The following SNRNP40 variants were observed in gnomAD, a reference collection of about 807,000 sequenced individuals.
SNRNP40 encodes the protein small nuclear ribonucleoprotein U5 subunit 40.
A neutral mutation model predicts 45.8 loss-of-function variants in SNRNP40; 21 were observed. That is an observed-to-expected ratio of 0.46 (90% CI 0.32 to 0.66). The LOEUF (loss-of-function observed/expected upper bound fraction) is 0.66. SNRNP40 is among the 30% of genes least tolerant of loss of function. The probability of loss-of-function intolerance (pLI) is 0.03; values close to 1 mark genes in which losing one functional copy is unlikely to be tolerated. For missense variants in SNRNP40, 344 were observed against 439.1 expected (o/e 0.78, Z 1.94); for synonymous variants, 142 against 163.8 (o/e 0.87, Z 1.01).
rs139795639 is a variant in SNRNP40 at position 31,289,269 on chromosome 1, G to A, written c.516C>T (p.Asp172=). Residue 172 remains aspartate, a synonymous_variant, in exon 4 of 10, where the codon GAC becomes GAT. Transcript: ENST00000263694. ...RGPQLVCTGS[D]DGTVKLWDIR... is the part of the protein sequence containing the mutation. The stretch of plus-strand genomic sequence containing the variant: ...CAATACCCACCTTAACTGTGCCATC[G>A]TCACTGCCAGTGCAGACAAGCTGAG... 10 of 1,613,920 alleles carry A rather than the reference G, an allele frequency of 6.2e-6. No homozygotes were observed. The African/African-American group carries it at 6.7e-5, about 11-fold the overall frequency.
intron 5 of SNRNP40, among the ~76,000 whole-genome samples, chr1:31,279,944 TAA>T (rs1415548111): frequency 6.9e-6 from 1 of 144,068 alleles, no homozygotes; most frequent in Non-Finnish European, 1.5e-5. Context: ...CTGTCTCTAC[TAA>T]AAAATACAAA....
chr1:31,267,554 T>A (rs932405214), intron 8 of SNRNP40, among the ~76,000 whole-genome samples: 9 of 152,122 alleles, frequency 5.9e-5, no homozygotes, highest in Non-Finnish European at 1.3e-4. Flanking sequence ...TTTTTGGAGA[T>A]GGAGTCTCGC....
intron 5 of SNRNP40, among the ~76,000 whole-genome samples, chr1:31,273,659 C>G (rs1010607835): frequency 1.3e-5 from 2 of 151,696 alleles, no homozygotes; most frequent in Admixed American, 1.3e-4. Flanking sequence ...AAATCTACAG[C>G]AGGAATTTAA....
Position 31,276,172 on chromosome 1 carries a change from T to C in SNRNP40, c.655-4673A>G, listed in dbSNP as rs77980329. ...CTTCATTTAATTAATGTAACAATTA[T>C]ATGAGGTGAGCTGACAATTCCCATT... On this transcript the variant is annotated intron_variant, in intron 5 of 9. Transcript: ENST00000263694. Among the ~76,000 whole-genome samples the C allele has an allele frequency of 4.1e-3, 622 of 152,348 alleles. 22 individuals are homozygous for C. The East Asian group carries it at 0.072, about 18-fold the overall frequency.
Position 31,296,703 on chromosome 1 carries a change from C to T in SNRNP40, c.49G>A (p.Val17Ile). The change falls in exon 1 of 10, where the codon GTC becomes ATC. Residue 17 changes from valine to isoleucine, a missense_variant. Physicochemically the swap from Val to Ile is conservative, Grantham distance 29. This residue lies in a region of SNRNP40 where 90 missense variants were observed against 58.9 expected (regional missense o/e 1.53). Coordinates refer to ENST00000263694, the MANE Select transcript of SNRNP40 (RefSeq NM_004814.3). ...AGCAACTCATGCCGCTGCCGCTTGA[C>T]TGGAACCAGCGGCAACTCTGGGCCC... ...RKGPELPLVP[V>I]KRQRHELLLG... The T allele has an allele frequency of 6.2e-7, 1 of 1,613,820 alleles. No individual in the cohort carries two copies. The highest frequency in any genetic ancestry group is 1.1e-5 in the South Asian group (1 of 91,068).
chr1:31,269,137 C>T (rs1645919559), intron 7 of SNRNP40, 21 bp downstream of exon 7: 2 of 1,564,246 alleles, frequency 1.3e-6, no homozygotes, highest in Non-Finnish European at 1.7e-6. Flanking sequence ...CAGTAAAACT[C>T]CTCTGCCATG....
At chr1:31,284,029 G>C (rs1646038208) in intron 4 of SNRNP40, among the ~76,000 whole-genome samples, 1 of 152,274 alleles carries the variant, frequency 6.6e-6, no homozygotes, top group South Asian at 2.1e-4. Flanking sequence ...TTAGCGACCA[G>C]CCTGAGCAAC....
intron 5 of SNRNP40, among the ~76,000 whole-genome samples, chr1:31,274,081 G>T (rs148555338): frequency 2.4e-4 from 37 of 152,252 alleles, no homozygotes; most frequent in African/African-American, 8.9e-4. Context: ...GGCACCCAGA[G>T]GCAGCAGATG....
At chr1:31,268,192 A>G (rs1227059611) in intron 7 of SNRNP40, among the ~76,000 whole-genome samples, 1 of 152,094 alleles carries the variant, frequency 6.6e-6, no homozygotes, top group African/African-American at 2.4e-5. Context: ...TTATAAATGG[A>G]GGCTCCCTTT....
chr1:31,289,969 C>T (rs1405988091), intron 3 of SNRNP40, among the ~76,000 whole-genome samples: 1 of 152,094 alleles, frequency 6.6e-6, no homozygotes, highest in African/African-American at 2.4e-5. Context: ...AAGTGATCCT[C>T]CCACCTCAGC....
chr1:31,283,928 T>C (rs559573285), intron 4 of SNRNP40, among the ~76,000 whole-genome samples: 2 of 152,004 alleles, frequency 1.3e-5, no homozygotes, highest in Admixed American at 6.6e-5. Context: ...GCTAAAACTA[T>C]AAAATTCTTA....
At chr1:31,272,405 A>G (rs192210047) in intron 5 of SNRNP40, among the ~76,000 whole-genome samples, 2 of 152,350 alleles carry the variant, frequency 1.3e-5, no homozygotes, top group African/African-American at 4.8e-5. Flanking sequence ...CAGGAAAAAT[A>G]GGTGGTTTAT....
chr1:31,289,826 C>A (rs971917424), intron 3 of SNRNP40, among the ~76,000 whole-genome samples: 1 of 152,196 alleles, frequency 6.6e-6, no homozygotes, highest in Non-Finnish European at 1.5e-5. Flanking sequence ...TGACTCCAAT[C>A]TTTTCTCTTT....
chr1:31,272,628 A>G (rs1363772929), intron 5 of SNRNP40, among the ~76,000 whole-genome samples: 2 of 152,230 alleles, frequency 1.3e-5, no homozygotes, highest in East Asian at 1.9e-4. Context: ...TGTAAGGATT[A>G]TAAGAATGCT....
chr1:31,282,373 G>C (rs965845355), intron 4 of SNRNP40: 2 of 151,954 alleles, frequency 1.3e-5, no homozygotes, highest in African/African-American at 4.8e-5. Context: ...AAACAGTTGG[G>C]GCAAAAATAC....
chr1:31,285,673 T>A (rs928901213), intron 4 of SNRNP40, among the ~76,000 whole-genome samples: 1 of 152,208 alleles, frequency 6.6e-6, no homozygotes, highest in Admixed American at 6.5e-5. Flanking sequence ...TTACCAGTTA[T>A]CCCAAATGTC....
At chr1:31,280,664 A>G (rs933819245) in intron 5 of SNRNP40, among the ~76,000 whole-genome samples, 4 of 152,194 alleles carry the variant, frequency 2.6e-5, no homozygotes, top group Non-Finnish European at 5.9e-5. Context: ...TGCAGGCCCA[A>G]AATAATACAT....
At chr1:31,281,577 G>A in intron 4 of SNRNP40, 81 bp from the exon 5 acceptor site, 2 of 1,265,876 alleles carry the variant, frequency 1.6e-6, no homozygotes, top group Non-Finnish European at 2.1e-6. Context: ...TTAAGTACGA[G>A]GACTTTGTGG....
intron 5 of SNRNP40, among the ~76,000 whole-genome samples, chr1:31,278,546 T>A (rs1457151620): frequency 6.6e-6 from 1 of 152,238 alleles, no homozygotes; most frequent in Non-Finnish European, 1.5e-5. Context: ...CTTCTAGTGA[T>A]TCTGACGCCA....
Sources: allele counts gnomAD v4.1 joint callset (sites outside exome capture counted in the v4.1 genomes callset), GRCh38; gene constraint gnomAD v4.1.1; regional missense constraint gnomAD v4.1.1; transcripts MANE v1.5; gene names NCBI Gene and HGNC (gene_info 2026-07-23, HGNC 2026-07-21).